Variants in IFNLR1 observed in about 807,000 individuals in gnomAD.
The protein encoded by IFNLR1 is CRF2-12.
In IFNLR1, 28 loss-of-function variants were observed where a neutral mutation model predicts 52.5. That is an observed-to-expected ratio of 0.53 (90% CI 0.40 to 0.73). The LOEUF is 0.73. Among genes scored for constraint, IFNLR1 ranks in the 30% least tolerant of loss-of-function variants. The pLI, the probability that IFNLR1 is intolerant of heterozygous loss-of-function variation, is 0.00. For synonymous variants in IFNLR1, 276 were observed against 274.9 expected, an observed-to-expected ratio of 1.00 and a Z score of -0.04; for missense variants, 623 against 659.1, an observed-to-expected ratio of 0.95 and a Z score of 0.60.
chr1:24,166,820 T>G (rs1316514851), intron 3 of IFNLR1, among the ~76,000 whole-genome samples: 3 of 152,108 alleles, frequency 2.0e-5, no homozygotes, highest in African/African-American at 7.2e-5. Flanking sequence ...CAAAGGATCT[T>G]CCCACCTTGG....
At chr1:24,180,670 C>T in intron 2 of IFNLR1, 61 bp downstream of exon 2, 1 of 1,274,998 alleles carries the variant, frequency 7.8e-7, no homozygotes, top group Non-Finnish European at 1.1e-6. Flanking sequence ...CAGAGAAGCC[C>T]CTCCAGCCCC....
chr1:24,169,924 A>T (rs111770423), intron 2 of IFNLR1, among the ~76,000 whole-genome samples: 81 of 152,238 alleles, frequency 5.3e-4, no homozygotes, highest in African/African-American at 1.8e-3. Flanking sequence ...TATTCCTAGT[A>T]CTAGCGACCA....
intron 2 of IFNLR1, among the ~76,000 whole-genome samples, chr1:24,179,204 C>T (rs1028404464): frequency 2.0e-5 from 3 of 152,062 alleles, no homozygotes; most frequent in Non-Finnish European, 2.9e-5. Context: ...CCACCCACCT[C>T]GGCCTCCCAA....
At chr1:24,180,226 G>A (rs999249043) in intron 2 of IFNLR1, among the ~76,000 whole-genome samples, 24 of 151,842 alleles carry the variant, frequency 1.6e-4, no homozygotes, top group Non-Finnish European at 1.6e-4. Context: ...GAACCCAGGA[G>A]GTGGAGGTTG....
intron 1 of IFNLR1, among the ~76,000 whole-genome samples, chr1:24,181,351 C>G (rs1386667692): frequency 6.6e-6 from 1 of 152,188 alleles, no homozygotes; most frequent in Non-Finnish European, 1.5e-5. Context: ...GAAGTAGATG[C>G]CACACTCAGA....
chr1:24,185,670 C>G (rs527488570), intron 1 of IFNLR1, among the ~76,000 whole-genome samples: 1 of 152,306 alleles, frequency 6.6e-6, no homozygotes, highest in African/African-American at 2.4e-5. Context: ...TCTGGACTTC[C>G]TAACGGGTGA....
intron 4 of IFNLR1, 74 bp downstream of exon 4, chr1:24,161,468 G>T (rs1488127318): frequency 6.6e-7 from 1 of 1,515,022 alleles, no homozygotes. Flanking sequence ...AGCAGGCTGG[G>T]AGGGTGAGAA....
chr1:24,168,868 C>G (rs575494257), intron 3 of IFNLR1, among the ~76,000 whole-genome samples: 1 of 152,224 alleles, frequency 6.6e-6, no homozygotes, highest in East Asian at 1.9e-4. Context: ...CTCAGCCTCC[C>G]GAGTAGCTGG....
intron 2 of IFNLR1, among the ~76,000 whole-genome samples, chr1:24,171,506 TG>T (rs1231599436): frequency 3.3e-5 from 5 of 152,194 alleles, no homozygotes; most frequent in Admixed American, 3.3e-4. Context: ...ATATATTTTT[TG>T]AGACAGCGTC....
rs778583027 is a variant in IFNLR1, at chr1:24,159,162, C to T, written c.691G>A (p.Val231Met). 4 of 1,614,120 alleles carry T rather than the reference C, an allele frequency of 2.5e-6. No homozygotes were observed. The highest frequency in any genetic ancestry group is 3.4e-6 in the Non-Finnish European group (4 of 1,180,000). ...EVPEANWAFL[V>M]LPSLLILLLV... ...AGCAGTATCAGAAGCGATGGCAGCA[C>T]CAGGAAAGCCCAGTTGGCTTCTAAG... is the stretch of plus-strand genomic sequence containing the variant. Residue 231 changes from valine (V) to methionine (M), a missense_variant, in exon 6 of 7, where the codon GTG becomes ATG. Transcript: ENST00000327535.
In IFNLR1 at chr1:24,169,497, A is replaced by C; in HGVS notation, c.287T>G (p.Phe96Cys). The stretch of plus-strand genomic sequence containing the variant: ...AGAAACCGTCCGCACGCGTCCCTTG[A>C]ACTTGTTGTACAGGTCCTGTTTCTT... ...CLKKQDLYNK[F>C]KGRVRTVSPS... Residue 96 changes from phenylalanine (F) to cysteine (C), a missense_variant, in exon 3 of 7, where the codon TTC becomes TGC. Phe to Cys is a radical substitution (Grantham distance 205). Transcript: ENST00000327535. 1 of 1,614,192 alleles carries C rather than the reference A, an allele frequency of 6.2e-7. No individual in the cohort carries two copies. The highest frequency in any genetic ancestry group is 8.5e-7 in the Non-Finnish European group (1 of 1,180,036).
At chr1:24,169,837 C>G (rs1194221272) in intron 2 of IFNLR1, among the ~76,000 whole-genome samples, 2 of 152,206 alleles carry the variant, frequency 1.3e-5, no homozygotes, top group Non-Finnish European at 1.5e-5. Context: ...GCTTTGGGAC[C>G]ATGGGCAGGT....
In IFNLR1 at chr1:24,162,276, G is replaced by A. The variant is rs113089407; in HGVS notation, c.368-592C>T. Among the ~76,000 whole-genome samples the A allele has an allele frequency of 3.2e-3, 492 of 152,230 alleles. 3 individuals carry two copies. The highest frequency in any genetic ancestry group is 0.011 in the African/African-American group (450 of 41,520). ...TTGTTAGTGGGAGCCTCTCAGCTCCGGAAGGCACCCACATTTTTCATCACG... is the reference window on the plus strand; with the variant it reads ...TTGTTAGTGGGAGCCTCTCAGCTCCAGAAGGCACCCACATTTTTCATCACG... On this transcript the variant is annotated intron_variant, in intron 3 of 6. Transcript: ENST00000327535.
At chr1:24,170,754 G>A (rs1484726501) in intron 2 of IFNLR1, among the ~76,000 whole-genome samples, 1 of 152,218 alleles carries the variant, frequency 6.6e-6, no homozygotes. Flanking sequence ...GAAAGGGCTG[G>A]ATTCAATATC....
At chr1:24,180,675 A>G in intron 2 of IFNLR1, 56 bp downstream of exon 2, 15 of 385,904 alleles carry the variant, frequency 3.9e-5, no homozygotes, top group East Asian at 6.9e-5. Flanking sequence ...AAGCCCCTCC[A>G]GCCCCCACCC....
At position 24,154,659 on chromosome 1, in the gene IFNLR1, T is replaced by G. The variant is rs941875646; in HGVS notation, c.*2471A>C. ...GGCTCACGCCTGTAATCCCAGCACT[T>G]TGGGAGGCCGAGGCGGGCGGATCAC... is the stretch of plus-strand genomic sequence containing the variant. On this transcript the variant is annotated 3_prime_UTR_variant, in exon 7 of 7. Coordinates refer to ENST00000327535, the MANE Select transcript of IFNLR1 (RefSeq NM_170743.4). 7 of 152,188 alleles carry G rather than the reference T, an allele frequency of 4.6e-5. No individual in the cohort carries two copies. The highest frequency in any genetic ancestry group is 1.7e-4 in the African/African-American group (7 of 41,446). 9.4% of individuals were successfully genotyped at this position (152,188 alleles called of 1,614,324 possible).
intron 6 of IFNLR1, among the ~76,000 whole-genome samples, chr1:24,158,827 A>G (rs1644408877): frequency 6.6e-6 from 1 of 152,200 alleles, no homozygotes; most frequent in South Asian, 2.1e-4. Context: ...GAAGTTATTT[A>G]TCTCAAAGGA....
At position 24,157,445 on chromosome 1, in the gene IFNLR1, C is replaced by T. The variant is rs532465282; in HGVS notation, c.1248G>A (p.Pro416=). 5.3e-5 allele frequency: 85 copies of T among 1,614,148 alleles called. No homozygotes were observed. Among genetic ancestry groups the T allele is most frequent in the African/African-American group, 4.0e-5 (3 of 75,058 alleles). The change falls in exon 7 of 7, where the codon CCG becomes CCA. Residue 416 remains proline (P), a synonymous_variant. Transcript: ENST00000327535. The surrounding 1 kb of genome is among the most constrained non-coding windows in gnomAD (Gnocchi z 5.1). ...GAGATTCTTGGTGCCCATCCCCACC[C>T]GGCCCTTGGCCTGGCCCCTTCTCAG... ...YLAEKGPGQG[P]GGDGHQESLP... is the part of the protein sequence containing the mutation.
At chr1:24,183,260 C>G (rs773923374) in intron 1 of IFNLR1, among the ~76,000 whole-genome samples, 2 of 151,682 alleles carry the variant, frequency 1.3e-5, no homozygotes, top group South Asian at 2.1e-4. Context: ...GGTAGAAACA[C>G]CAGAAAACAC....
Sources: allele counts gnomAD v4.1 joint callset (sites outside exome capture counted in the v4.1 genomes callset), GRCh38; gene constraint gnomAD v4.1.1; non-coding constraint Gnocchi (gnomAD v3.1); transcripts MANE v1.5; gene names NCBI Gene and HGNC (gene_info 2026-07-23, HGNC 2026-07-21).